IMPG2: variants seen among roughly 807,000 people sequenced by gnomAD.
IMPG2 encodes IPM 200.
In IMPG2, 91 loss-of-function variants were observed where a neutral mutation model predicts 129.2. That is an observed-to-expected ratio of 0.70 (90% CI 0.59 to 0.84). The LOEUF (loss-of-function observed/expected upper bound fraction) is 0.84. Ranked by LOEUF, IMPG2 falls within the 40% of genes least tolerant of loss-of-function variation. The pLI, the probability that IMPG2 is intolerant of heterozygous loss-of-function variation, is 0.00. For missense variants in IMPG2, 1,430 were observed against 1,461.7 expected (o/e 0.98, Z 0.35); for synonymous variants, 510 against 517.7 (o/e 0.99, Z 0.20).
intron 3 of IMPG2, among the ~76,000 whole-genome samples, chr3:101,300,392 C>T (rs1707127078): frequency 6.6e-6 from 1 of 152,250 alleles, no homozygotes; most frequent in Non-Finnish European, 1.5e-5. Flanking sequence ...AGGGCTTAGA[C>T]AGCAGGCAGC....
intron 2 of IMPG2, among the ~76,000 whole-genome samples, chr3:101,310,559 C>CAAAAAAAAA (rs199570786): frequency 1.6e-5 from 2 of 126,502 alleles, no homozygotes; most frequent in African/African-American, 6.9e-5. Context: ...GACCCTGTCT[C>CAAAAAAAAA]AAAAAAAAAA....
At chr3:101,230,189 A>G (rs1171219558) in intron 16 of IMPG2, among the ~76,000 whole-genome samples, 1 of 152,190 alleles carries the variant, frequency 6.6e-6, no homozygotes, top group African/African-American at 2.4e-5. Context: ...GTGCTCCAGG[A>G]CTTAGCCAAG....
At chr3:101,277,391 G>A (rs959888923) in intron 4 of IMPG2, among the ~76,000 whole-genome samples, 14 of 152,300 alleles carry the variant, frequency 9.2e-5, no homozygotes, top group Middle Eastern at 3.4e-3. Context: ...AGGCAATGTA[G>A]AAGGTACTTG....
At chr3:101,278,919 G>A (rs1400743612) in intron 4 of IMPG2, among the ~76,000 whole-genome samples, 1 of 152,140 alleles carries the variant, frequency 6.6e-6, no homozygotes, top group Non-Finnish European at 1.5e-5. Flanking sequence ...GAGTGATGAG[G>A]AAGCATTAAG....
intron 9 of IMPG2, 46 bp downstream of exon 9, chr3:101,267,465 A>T: frequency 6.4e-7 from 1 of 1,551,218 alleles, no homozygotes; most frequent in South Asian, 1.1e-5. Flanking sequence ...TATTTACTAA[A>T]CTGTCTCCCA....
At chr3:101,267,575 T>G (rs776033847) in intron 8 of IMPG2, 44 bp from the exon 9 acceptor site, 3 of 1,490,320 alleles carry the variant, frequency 2.0e-6, no homozygotes, top group Non-Finnish European at 2.8e-6. Context: ...TTGAGACAGT[T>G]ATTATTGTCA....
At chr3:101,238,783 C>T (rs1339905650) in intron 14 of IMPG2, among the ~76,000 whole-genome samples, 1 of 152,154 alleles carries the variant, frequency 6.6e-6, no homozygotes, top group African/African-American at 2.4e-5. Context: ...TTATAAAGAA[C>T]ATTGACACTA....
Position 101,276,858 on chromosome 3 carries a change from T to A in IMPG2, c.534-145A>T, listed in dbSNP as rs183299354. 1.7e-4 allele frequency: 110 copies of A among 646,786 alleles called. No homozygotes were observed. The Middle Eastern group carries it at 2.3e-3, about 13-fold the overall frequency. The allele number at this position is 646,786 out of a possible 1,614,324, so 40.1% of individuals were successfully genotyped here. A position where few individuals can be genotyped will look rare whatever the true frequency, so the allele number is the denominator to read the frequency against. On this transcript the variant is annotated intron_variant, in intron 4 of 18. Transcript: ENST00000193391. ...AAAAGTACCAAAAAGCAAAGTTTTT[T>A]AAAATTAAAACTTCATAATTCATTT...
At chr3:101,256,411 T>C (rs1706610907) in intron 10 of IMPG2, among the ~76,000 whole-genome samples, 2 of 151,928 alleles carry the variant, frequency 1.3e-5, no homozygotes, top group Admixed American at 1.3e-4. Context: ...AGACTTTTCT[T>C]TGTCTCTCTC....
Position 101,311,807 on chromosome 3 carries a change from T to G in IMPG2, c.335-7495A>C, listed in dbSNP as rs115804014. Among the ~76,000 whole-genome samples the G allele has an allele frequency of 5.9e-3, 899 of 152,184 alleles. 6 individuals carry two copies. The highest frequency in any genetic ancestry group is 0.021 in the African/African-American group (865 of 41,542). On this transcript the variant is annotated intron_variant, in intron 2 of 18. Coordinates refer to ENST00000193391, the MANE Select transcript of IMPG2 (RefSeq NM_016247.4). ...TGAATTCATGCCTAATTTCAAAACA[T>G]ACTAAAAGCAAAGACTACAGAACTG...
At chr3:101,290,953 C>G (rs188582219) in intron 4 of IMPG2, among the ~76,000 whole-genome samples, 2 of 152,256 alleles carry the variant, frequency 1.3e-5, no homozygotes, top group East Asian at 3.9e-4. Flanking sequence ...GCTCAAAATC[C>G]CTTACCTTCT....
At chr3:101,304,388 G>A (rs753056113) in intron 2 of IMPG2, 76 bp from the exon 3 acceptor site, 51 of 1,340,842 alleles carry the variant, frequency 3.8e-5, no homozygotes, top group South Asian at 9.5e-5. Flanking sequence ...AGACTGATTC[G>A]TACAGATTCC....
intron 7 of IMPG2, among the ~76,000 whole-genome samples, chr3:101,270,170 C>T (rs1343553086): frequency 1.3e-5 from 2 of 151,996 alleles, no homozygotes; most frequent in Non-Finnish European, 2.9e-5. Flanking sequence ...TTCCTGACCT[C>T]AGGTGATCCA....
At chr3:101,301,912 T>TA (rs1707142916) in intron 3 of IMPG2, among the ~76,000 whole-genome samples, 1 of 152,352 alleles carries the variant, frequency 6.6e-6, no homozygotes, top group Admixed American at 6.5e-5. Flanking sequence ...TCCTGCAACT[T>TA]ACCTACCTAC....
At chr3:101,232,115 GTGATCTTA>G (rs1173704599) in intron 15 of IMPG2, among the ~76,000 whole-genome samples, 1 of 152,070 alleles carries the variant, frequency 6.6e-6, no homozygotes, top group African/African-American at 2.4e-5. Context: ...ATAGAGGAAC[GTGATCTTA>G]TGCCTAAACC....
At chr3:101,241,416 G>A (rs1442387991) in intron 14 of IMPG2, among the ~76,000 whole-genome samples, 1 of 152,198 alleles carries the variant, frequency 6.6e-6, no homozygotes, top group African/African-American at 2.4e-5. Context: ...CAAAAAACAA[G>A]CTGGTTTGAC....
chr3:101,235,752 G>A (rs1222816376), intron 14 of IMPG2, among the ~76,000 whole-genome samples: 2 of 152,172 alleles, frequency 1.3e-5, no homozygotes, highest in East Asian at 3.9e-4. Flanking sequence ...GGTAAATTTA[G>A]GATGGGAGAC....
At chr3:101,284,759 T>G (rs965727937) in intron 4 of IMPG2, among the ~76,000 whole-genome samples, 1 of 152,166 alleles carries the variant, frequency 6.6e-6, no homozygotes, top group Non-Finnish European at 1.5e-5. Context: ...CTGCTTACTG[T>G]AGTTACCATC....
At chr3:101,249,825 G>A (rs1304575763) in intron 11 of IMPG2, among the ~76,000 whole-genome samples, 2 of 151,112 alleles carry the variant, frequency 1.3e-5, no homozygotes, top group Admixed American at 6.6e-5. Flanking sequence ...TAATTGGAGA[G>A]ATGACTTCTC....
Sources: allele counts gnomAD v4.1 joint callset (sites outside exome capture counted in the v4.1 genomes callset), GRCh38; gene constraint gnomAD v4.1.1; transcripts MANE v1.5; gene names NCBI Gene and HGNC (gene_info 2026-07-23, HGNC 2026-07-21).